Variants in PCLAF observed in about 807,000 individuals in gnomAD.
PCLAF encodes the protein PCNA clamp associated factor.
Under a neutral mutation model 15.1 loss-of-function variants are expected in PCLAF, and 12 were observed. The observed-to-expected ratio is 0.79, with a 90% CI of 0.51 to 1.29. The LOEUF is 1.29. Among genes scored for constraint, PCLAF ranks in the 50% most tolerant of loss-of-function variants. The pLI is 0.00. For synonymous variants in PCLAF, 33 were observed against 47.1 expected (o/e 0.70, Z 1.22); for missense variants, 116 against 130.9 (o/e 0.89, Z 0.56).
chr15:64,384,469 G>A (rs1408198410), upstream of PCLAF, among the ~76,000 whole-genome samples: 5 of 151,504 alleles, frequency 3.3e-5, no homozygotes, highest in Non-Finnish European at 4.4e-5. Context: ...CTTGGCCGGC[G>A]CAGTGGCTCA....
intron 1 of PCLAF, 48 bp downstream of exon 1, chr15:64,381,278 T>G (rs552887085): frequency 8.7e-6 from 14 of 1,603,804 alleles, no homozygotes; most frequent in Non-Finnish European, 9.4e-6. Context: ...GTGGCCAGGC[T>G]GCCGGGAGGA....
chr15:64,381,138 G>C (rs1223109340), intron 1 of PCLAF, 100 bp from the exon 2 acceptor site: 2 of 1,276,658 alleles, frequency 1.6e-6, no homozygotes, highest in African/African-American at 1.5e-5. Flanking sequence ...TGGCGATCCA[G>C]AACAGCAGGA....
chr15:64,367,348 C>G (rs964110360), intron 3 of PCLAF, among the ~76,000 whole-genome samples: 4 of 151,392 alleles, frequency 2.6e-5, no homozygotes, highest in African/African-American at 9.7e-5. Flanking sequence ...ACTAAAAATA[C>G]AAAAATTAGC....
intron 3 of PCLAF, among the ~76,000 whole-genome samples, chr15:64,367,977 C>T (rs1285310501): frequency 6.6e-6 from 1 of 151,868 alleles, no homozygotes; most frequent in African/African-American, 2.4e-5. Context: ...AAATTAGATC[C>T]AGCAATCCTT....
At chr15:64,376,458 C>T (rs1260981489) in intron 3 of PCLAF, among the ~76,000 whole-genome samples, 1 of 152,038 alleles carries the variant, frequency 6.6e-6, no homozygotes. Flanking sequence ...AAATGAGATA[C>T]ATGTGCATTA....
intron 2 of PCLAF, among the ~76,000 whole-genome samples, chr15:64,377,491 ATATATATATAT>A (rs1566966767): frequency 0.013 from 243 of 18,382 alleles, 47 homozygotes; most frequent in African/African-American, 0.04. Context: ...AAAAAAAAAT[ATATATATATAT>A]ATATATATAT....
At chr15:64,371,598 C>A (rs1429557166) in intron 3 of PCLAF, among the ~76,000 whole-genome samples, 2 of 151,746 alleles carry the variant, frequency 1.3e-5, no homozygotes, top group South Asian at 2.1e-4. Flanking sequence ...TCAAATATGA[C>A]TTCAAAACAG....
At chr15:64,386,382 G>A (rs1260422498), upstream of PCLAF, among the ~76,000 whole-genome samples, 3 of 152,182 alleles carry the variant, frequency 2.0e-5, no homozygotes, top group Non-Finnish European at 2.9e-5. Flanking sequence ...GTGCAGTAGT[G>A]CAATCAGGGC....
intron 1 of PCLAF, chr15:64,387,430 C>G (rs1184107421): frequency 1.7e-6 from 2 of 1,190,476 alleles, no homozygotes; most frequent in Non-Finnish European, 2.1e-6. Flanking sequence ...AAAACCACCA[C>G]CAGAGCAAAA....
rs1207710233 is a variant in PCLAF at position 64,370,263 on chromosome 15, T to TG, written c.291-4189_291-4188insC. ...ACCTAATTTTTTTTTTTTTTTTTTT[T>TG]TGTGTAGAGACCATGCCTAAGCTGG... On this transcript the variant is annotated intron_variant, in intron 3 of 3. Coordinates refer to ENST00000300035, the MANE Select transcript of PCLAF (RefSeq NM_014736.6). Among the ~76,000 whole-genome samples, 265 of 148,668 alleles carry TG rather than the reference T, an allele frequency of 1.8e-3. 2 individuals carry two copies. The highest frequency in any genetic ancestry group is 6.2e-3 in the African/African-American group (248 of 40,274).
chr15:64,379,464 G>A (rs1420955141), intron 2 of PCLAF, among the ~76,000 whole-genome samples: 3 of 150,698 alleles, frequency 2.0e-5, no homozygotes, highest in Non-Finnish European at 4.4e-5. Flanking sequence ...CTGGGCAACA[G>A]AGTGAGACCC....
chr15:64,372,740 G>A (rs1370414332), intron 3 of PCLAF, among the ~76,000 whole-genome samples: 2 of 152,082 alleles, frequency 1.3e-5, no homozygotes, highest in Non-Finnish European at 2.9e-5. Context: ...TTGGGAGGCC[G>A]AGGCGGGCAG....
rs762859690 is a variant in PCLAF, at chr15:64,381,284, G to T, written c.46+42C>A. ...CTGTCGCCCGTGGCCAGGCTGCCGGGAGGACCCCCCCGCCCTCCAGTACCA... is the reference window on the plus strand; with the variant it reads ...CTGTCGCCCGTGGCCAGGCTGCCGGTAGGACCCCCCCGCCCTCCAGTACCA... On this transcript the variant is annotated intron_variant, in intron 1 of 3. Coordinates refer to ENST00000300035, the MANE Select transcript of PCLAF (RefSeq NM_014736.6). 1.5e-5 allele frequency: 24 copies of T among 1,611,288 alleles called. 1 individual carries two copies. The South Asian group carries it at 2.2e-4, about 15-fold the overall frequency.
In PCLAF at chr15:64,369,318, A is replaced by AC. The variant is rs1482376538; in HGVS notation, c.291-3244dup. ...CAAGGCTACAGCGAGCTATGATCTC[A>AC]CCACTGCACTCCAGCCTGAGTAACA... On this transcript the variant is annotated intron_variant, in intron 3 of 3. Transcript: ENST00000300035. Among the ~76,000 whole-genome samples, 3 of 143,972 alleles carry AC rather than the reference A, an allele frequency of 2.1e-5. No individual in the cohort carries two copies. In the East Asian group the frequency reaches 6.1e-4, roughly 29 times the overall value. 94.5% of individuals were successfully genotyped at this position (143,972 alleles called of 152,430 possible). A position where few individuals can be genotyped will look rare whatever the true frequency, so the allele number is the denominator to read the frequency against.
At chr15:64,386,728 C>G (rs1899948748) in intron 1 of PCLAF, among the ~76,000 whole-genome samples, 1 of 152,124 alleles carries the variant, frequency 6.6e-6, no homozygotes, top group Non-Finnish European at 1.5e-5. Flanking sequence ...GCATGAGACA[C>G]TGCGCCCGGC....
chr15:64,373,901 GA>G lies in PCLAF; in HGVS notation c.290+2841del, dbSNP rs988941457. ...ACATTTAAGTTGCTTAGAAAGCCTG[GA>G]CCTTATTAATTACAAATCTATAAAA... On this transcript the variant is annotated intron_variant, in intron 3 of 3. Transcript: ENST00000300035. 3 of 716,190 alleles carry G rather than the reference GA, an allele frequency of 4.2e-6. No individual in the cohort carries two copies. The African/African-American group carries it at 5.5e-5, about 13-fold the overall frequency. The allele number at this position is 716,190 out of a possible 1,614,324, so 44.4% of individuals were successfully genotyped here.
upstream of PCLAF, among the ~76,000 whole-genome samples, chr15:64,384,083 C>T (rs528407814): frequency 9.9e-5 from 15 of 152,142 alleles, no homozygotes; most frequent in East Asian, 2.3e-3. Flanking sequence ...AGGCCTAGGG[C>T]ATTAAGAAAA....
chr15:64,387,395 AAATT>A lies in PCLAF; in HGVS notation n.241+48_241+51del, dbSNP rs947866644. ...AGACTCCGTCTCAAAATAAATAAAT[AAATT>A]AATTAATTAATTAAAAAATTAAAAC... On this transcript the variant is annotated intron_variant and non_coding_transcript_variant, in intron 1 of 1. Coordinates refer to the PCLAF transcript ENST00000558250. The A allele has an allele frequency of 1.0e-4, 92 of 878,132 alleles. 3 individuals are homozygous for A. The South Asian group carries it at 1.2e-3, about 11-fold the overall frequency. The allele number at this position is 878,132 out of a possible 1,614,324, so 54.4% of individuals were successfully genotyped here. A position where few individuals can be genotyped will look rare whatever the true frequency, so the allele number is the denominator to read the frequency against.
intron 3 of PCLAF, among the ~76,000 whole-genome samples, chr15:64,370,377 T>C (rs946242969): frequency 1.3e-5 from 2 of 151,622 alleles, no homozygotes; most frequent in African/African-American, 2.4e-5. Context: ...TATTTCTTTT[T>C]TTTTTTTTCA....
Sources: allele counts gnomAD v4.1 joint callset (sites outside exome capture counted in the v4.1 genomes callset), GRCh38; gene constraint gnomAD v4.1.1; transcripts MANE v1.5; gene names NCBI Gene and HGNC (gene_info 2026-07-23, HGNC 2026-07-21).